COBL: variants seen among roughly 807,000 people sequenced by gnomAD.
COBL encodes cordon-bleu WH2 repeat protein.
Under a neutral mutation model 98.8 loss-of-function variants are expected in COBL, and 51 were observed. That is an observed-to-expected ratio of 0.52 (90% CI 0.41 to 0.65). COBL has a LOEUF of 0.65. Ranked by LOEUF, COBL falls within the 30% of genes least tolerant of loss-of-function variation. COBL has a pLI of 0.00. For synonymous variants in COBL, 634 were observed against 651.7 expected (o/e 0.97, Z 0.41); for missense variants, 1,617 against 1,617.5 (o/e 1.00, Z 0.01).
chr7:51,046,792 C>T (rs930631099), intron 7 of COBL, among the ~76,000 whole-genome samples: 4 of 152,102 alleles, frequency 2.6e-5, no homozygotes, highest in African/African-American at 9.7e-5. Context: ...CTAGAGCCAG[C>T]GATCCAGGGA....
intron 5 of COBL, among the ~76,000 whole-genome samples, chr7:51,165,375 C>A (rs1241490037): frequency 2.6e-5 from 4 of 151,966 alleles, no homozygotes; most frequent in Non-Finnish European, 5.9e-5. Context: ...TTAAGAAAGT[C>A]ATTATGTAAT....
At chr7:51,140,697 A>G (rs928967553) in intron 5 of COBL, among the ~76,000 whole-genome samples, 1 of 152,238 alleles carries the variant, frequency 6.6e-6, no homozygotes, top group African/African-American at 2.4e-5. Context: ...ATCTAGCACC[A>G]GGCAGCAGGG....
chr7:51,170,513 A>ATT (rs1481943850), intron 5 of COBL, among the ~76,000 whole-genome samples: 6 of 146,666 alleles, frequency 4.1e-5, no homozygotes, highest in Non-Finnish European at 7.5e-5. Flanking sequence ...TGTGATATAT[A>ATT]TATATATATA....
chr7:51,250,026 C>T (rs899028520), intron 1 of COBL, among the ~76,000 whole-genome samples: 4 of 151,920 alleles, frequency 2.6e-5, no homozygotes, highest in Non-Finnish European at 5.9e-5. Context: ...TACTAGAACC[C>T]GGGAGGTGGA....
chr7:51,230,754 T>C (rs776261212), intron 1 of COBL, among the ~76,000 whole-genome samples: 10 of 152,240 alleles, frequency 6.6e-5, no homozygotes, highest in Admixed American at 6.5e-4. Flanking sequence ...CTGATCTGCC[T>C]CTAACTTCAA....
intron 7 of COBL, among the ~76,000 whole-genome samples, chr7:51,081,171 G>C (rs1793629711): frequency 6.6e-6 from 1 of 152,194 alleles, no homozygotes; most frequent in Non-Finnish European, 1.5e-5. Flanking sequence ...AGGGGAGGTG[G>C]AGTTGAAATC....
intron 7 of COBL, among the ~76,000 whole-genome samples, chr7:51,055,058 A>T (rs1790604879): frequency 6.6e-6 from 1 of 152,136 alleles, no homozygotes; most frequent in African/African-American, 2.4e-5. Context: ...TTCAGAGAGA[A>T]GAGGACTTGC....
At chr7:51,166,661 T>C (rs1459752779) in intron 5 of COBL, among the ~76,000 whole-genome samples, 2 of 151,998 alleles carry the variant, frequency 1.3e-5, no homozygotes, top group Non-Finnish European at 2.9e-5. Flanking sequence ...AAAAGAAAAC[T>C]ACAGGCCAAT....
intron 5 of COBL, among the ~76,000 whole-genome samples, chr7:51,145,865 A>G (rs1784980270): frequency 6.6e-6 from 1 of 151,956 alleles, no homozygotes; most frequent in African/African-American, 2.4e-5. Context: ...TATGGTTTTG[A>G]ACTGCACTTC....
chr7:51,297,548 T>C (rs1354505662), intron 1 of COBL, among the ~76,000 whole-genome samples: 1 of 152,102 alleles, frequency 6.6e-6, no homozygotes, highest in Non-Finnish European at 1.5e-5. Flanking sequence ...CCTGCCACTA[T>C]GCCCAGCTAA....
At chr7:51,235,206 C>T (rs1795137219) in intron 1 of COBL, among the ~76,000 whole-genome samples, 1 of 152,212 alleles carries the variant, frequency 6.6e-6, no homozygotes, top group Non-Finnish European at 1.5e-5. Flanking sequence ...TCTTCGTATG[C>T]ACCCTAACAC....
At chr7:51,232,366 G>A (rs1008572572) in intron 1 of COBL, among the ~76,000 whole-genome samples, 1 of 152,144 alleles carries the variant, frequency 6.6e-6, no homozygotes, top group South Asian at 2.1e-4. Context: ...GGGCAGAGTT[G>A]AGAGTTCCCA....
At chr7:51,203,063 G>A (rs1006650306) in intron 2 of COBL, among the ~76,000 whole-genome samples, 1 of 150,750 alleles carries the variant, frequency 6.6e-6, no homozygotes, top group Admixed American at 6.6e-5. Context: ...TAATGAGGAG[G>A]AGGAGGAGGA....
rs748264703 is a variant in COBL, at chr7:51,085,304, C to T, written c.958G>A (p.Val320Ile). The change falls in exon 7 of 13, where the codon GTA becomes ATA. Residue 320 changes from valine (V) to isoleucine (I), a missense_variant and splice_region_variant. Transcript: ENST00000265136. ...AAATCAATCTGTGACCCAAGAGATA[C>T]CTATGAAGTACAAAGAAGGAAAGTA... ...PPVQDKASEKVSLGSQIDLQK... is the reference protein window; with the variant it reads ...PPVQDKASEKISLGSQIDLQK... The T allele has an allele frequency of 2.6e-6, 4 of 1,548,146 alleles. No homozygotes were observed. In the East Asian group the frequency reaches 9.3e-5, roughly 36 times the overall value.
intron 5 of COBL, chr7:51,172,466 C>G (rs1448151750): frequency 7.8e-6 from 10 of 1,288,552 alleles, no homozygotes; most frequent in Non-Finnish European, 1.0e-5. Context: ...GTTCAAACCC[C>G]TTCCTGGGGC....
intron 7 of COBL, among the ~76,000 whole-genome samples, chr7:51,061,853 G>A (rs912498311): frequency 6.6e-6 from 1 of 151,802 alleles, no homozygotes; most frequent in Non-Finnish European, 1.5e-5. Context: ...CCAGCTTTCC[G>A]GGGTCTCCAG....
intron 7 of COBL, among the ~76,000 whole-genome samples, chr7:51,056,812 A>AACACACAC (rs3047115): frequency 0.081 from 11,687 of 143,524 alleles, 541 homozygotes; most frequent in Admixed American, 0.1. Context: ...GTGCTCTCCC[A>AACACACAC]ACACACACAC....
At chr7:51,045,115 C>A (rs763662515) in intron 7 of COBL, among the ~76,000 whole-genome samples, 1 of 152,182 alleles carries the variant, frequency 6.6e-6, no homozygotes, top group South Asian at 2.1e-4. Flanking sequence ...GAAGAAACGT[C>A]GCTGTAGCTC....
At chr7:51,218,159 G>A (rs1161042941) in intron 2 of COBL, among the ~76,000 whole-genome samples, 1 of 152,200 alleles carries the variant, frequency 6.6e-6, no homozygotes, top group East Asian at 1.9e-4. Context: ...ATATTCCGAG[G>A]CCTCGAGCAA....
Sources: allele counts gnomAD v4.1 joint callset (sites outside exome capture counted in the v4.1 genomes callset), GRCh38; gene constraint gnomAD v4.1.1; transcripts MANE v1.5; gene names NCBI Gene and HGNC (gene_info 2026-07-23, HGNC 2026-07-21).